ACTR3C: variants seen among roughly 807,000 people sequenced by gnomAD.
ACTR3C encodes actin related protein 3C, also known as actin-related protein 3C.
A neutral mutation model predicts 26.3 loss-of-function variants in ACTR3C; 18 were observed. The observed-to-expected ratio is 0.68, with a 90% CI of 0.47 to 1.01. The LOEUF is 1.01. Ranked by LOEUF, ACTR3C falls within the 50% of genes least tolerant of loss-of-function variation. The probability of loss-of-function intolerance (pLI) is 0.00; values close to 1 mark genes in which losing one functional copy is unlikely to be tolerated. For synonymous variants in ACTR3C, 55 were observed against 94.5 expected (o/e 0.58, Z 2.42); for missense variants, 184 against 250.7 (o/e 0.73, Z 1.80).
downstream of ACTR3C, chr7:150,244,383 T>C (rs1465755391): frequency 6.6e-6 from 1 of 151,682 alleles, no homozygotes; most frequent in African/African-American, 2.4e-5. Context: ...ACCCCATTCA[T>C]TGATAGATCT....
intron 4 of ACTR3C, among the ~76,000 whole-genome samples, chr7:150,288,977 C>T (rs1340915952): frequency 6.6e-6 from 1 of 151,616 alleles, no homozygotes; most frequent in Non-Finnish European, 1.5e-5. Context: ...CCATCAAGCT[C>T]TGCTACACTC....
the ACTR3C span, among the ~76,000 whole-genome samples, chr7:150,152,777 T>C: frequency 6.6e-6 from 1 of 152,128 alleles, no homozygotes; most frequent in Non-Finnish European, 1.5e-5. Flanking sequence ...CCTGGACTCT[T>C]TTTGGTTGGT....
At chr7:150,123,262 A>G in the ACTR3C span, among the ~76,000 whole-genome samples, 1 of 152,176 alleles carries the variant, frequency 6.6e-6, no homozygotes, top group Non-Finnish European at 1.5e-5. Context: ...GACAAAAAAA[A>G]AGAATGAGGC....
chr7:150,083,760 A>G, the ACTR3C span, among the ~76,000 whole-genome samples: 1 of 151,966 alleles, frequency 6.6e-6, no homozygotes, highest in Non-Finnish European at 1.5e-5. Flanking sequence ...TTGCCCACCT[A>G]CTTCTTGGAA....
the ACTR3C span, among the ~76,000 whole-genome samples, chr7:149,996,053 G>C: frequency 6.6e-6 from 1 of 151,994 alleles, no homozygotes; most frequent in African/African-American, 2.4e-5. Context: ...TGGATGCGTG[G>C]GTTAACTGCT....
the ACTR3C span, among the ~76,000 whole-genome samples, chr7:149,894,414 TC>T: frequency 6.6e-6 from 1 of 152,104 alleles, no homozygotes; most frequent in African/African-American, 2.4e-5. Context: ...CTAAAAGTCT[TC>T]TGCACAGCAA....
chr7:150,069,217 A>G, the ACTR3C span, among the ~76,000 whole-genome samples: 1 of 152,304 alleles, frequency 6.6e-6, no homozygotes, highest in East Asian at 1.9e-4. Context: ...TTGCCTACAG[A>G]CATGCTGAAG....
At chr7:150,188,556 C>T in the ACTR3C span, among the ~76,000 whole-genome samples, 9 of 151,446 alleles carry the variant, frequency 5.9e-5, no homozygotes, top group Middle Eastern at 3.4e-3. Flanking sequence ...GTAGCTGCTC[C>T]GTTTCACATT....
At chr7:149,927,876 C>G in the ACTR3C span, among the ~76,000 whole-genome samples, 1 of 152,234 alleles carries the variant, frequency 6.6e-6, no homozygotes, top group African/African-American at 2.4e-5. Context: ...ACTGCTGTCA[C>G]CTTCACCATT....
At chr7:150,032,119 T>A in the ACTR3C span, among the ~76,000 whole-genome samples, 2 of 152,158 alleles carry the variant, frequency 1.3e-5, no homozygotes, top group Non-Finnish European at 2.9e-5. Context: ...CTGCTGCTCA[T>A]CACAAGCAGC....
At chr7:150,189,756 A>C in the ACTR3C span, among the ~76,000 whole-genome samples, 1 of 116,860 alleles carries the variant, frequency 8.6e-6, no homozygotes, top group East Asian at 2.2e-4. Flanking sequence ...ATCAGTGAGT[A>C]GTACTCAATT....
At chr7:150,116,655 A>G in the ACTR3C span, among the ~76,000 whole-genome samples, 1 of 152,152 alleles carries the variant, frequency 6.6e-6, no homozygotes, top group Non-Finnish European at 1.5e-5. Flanking sequence ...ATACCCACAA[A>G]TTTGCTGTGT....
chr7:149,983,449 G>GTGTATATATATATATATATATA, the ACTR3C span, among the ~76,000 whole-genome samples: 11 of 23,322 alleles, frequency 4.7e-4, no homozygotes, highest in South Asian at 4.0e-3. Flanking sequence ...GTGTGTGTGT[G>GTGTATATATATATATATATATA]TATATATATA....
At chr7:149,969,559 C>T in the ACTR3C span, among the ~76,000 whole-genome samples, 2 of 152,114 alleles carry the variant, frequency 1.3e-5, no homozygotes, top group East Asian at 1.9e-4. Flanking sequence ...TTAATCTATA[C>T]CTAAAATGCC....
At chr7:150,192,269 T>C in the ACTR3C span, among the ~76,000 whole-genome samples, 1 of 151,734 alleles carries the variant, frequency 6.6e-6, no homozygotes. Flanking sequence ...TTCTCTGCTT[T>C]TTAGAATATG....
At chr7:149,891,260 C>T in the ACTR3C span, 2 of 1,299,452 alleles carry the variant, frequency 1.5e-6, no homozygotes, top group African/African-American at 1.5e-5. Flanking sequence ...TGAACCTTTC[C>T]ATAAGATCCC....
chr7:149,911,435 C>T, the ACTR3C span, among the ~76,000 whole-genome samples: 1 of 151,980 alleles, frequency 6.6e-6, no homozygotes, highest in African/African-American at 2.4e-5. Context: ...TATCTACACC[C>T]CCGGCACAGT....
chr7:150,236,223 G>A, the ACTR3C span, among the ~76,000 whole-genome samples: 1 of 152,152 alleles, frequency 6.6e-6, no homozygotes, highest in Non-Finnish European at 1.5e-5. Flanking sequence ...TCAATCTAGA[G>A]GCAGGACTGA....
the ACTR3C span, among the ~76,000 whole-genome samples, chr7:150,152,525 T>C: frequency 6.6e-6 from 1 of 152,240 alleles, no homozygotes; most frequent in Non-Finnish European, 1.5e-5. Context: ...TTTGATGTGC[T>C]GCTGGATTTG....
Sources: gnomAD v4.1 joint callset for allele counts (sites outside exome capture counted in the v4.1 genomes callset) on GRCh38, gnomAD v4.1.1 for gene constraint, MANE v1.5 for transcripts, NCBI Gene and HGNC (gene_info 2026-07-23, HGNC 2026-07-21) for gene names.